Variants in WWOX observed in about 807,000 individuals in gnomAD.
WWOX encodes the protein WW domain-containing oxidoreductase.
WWOX carries 69 observed loss-of-function variants against 46.2 expected under a neutral mutation model. The observed-to-expected ratio is 1.49, with a 90% CI of 1.23 to 1.82. The LOEUF is 1.82. Among genes scored for constraint, WWOX ranks in the 40% most tolerant of loss-of-function variants. WWOX has a pLI of 0.00. For missense variants in WWOX, 919 were observed against 542.6 expected, an observed-to-expected ratio of 1.69 and a Z score of -6.89; for synonymous variants, 359 against 202.6, an observed-to-expected ratio of 1.77 and a Z score of -6.56.
intron 8 of WWOX, among the ~76,000 whole-genome samples, chr16:78,931,182 A>G (rs2045616401): frequency 1.3e-5 from 2 of 152,240 alleles, no homozygotes; most frequent in South Asian, 4.1e-4. Context: ...GCACATCCGT[A>G]GACAGTTACC....
chr16:78,101,710 G>A (rs369681367), intron 1 of WWOX, among the ~76,000 whole-genome samples: 1 of 152,144 alleles, frequency 6.6e-6, no homozygotes, highest in African/African-American at 2.4e-5. Context: ...TCTATGCAAG[G>A]ATGTGAACCA....
At position 79,135,821 on chromosome 16, in the gene WWOX, G is replaced by T. The variant is rs185969200; in HGVS notation, c.1057-75787G>T. Among the ~76,000 whole-genome samples, 3 of 152,134 alleles carry T rather than the reference G, an allele frequency of 2.0e-5. No individual in the cohort carries two copies. In the East Asian group the frequency reaches 5.8e-4, roughly 29 times the overall value. ...ACATTGTAATTGTGAGTGATGTTGGGTAGATTTTTGTACTTTTATTGACCA... is the reference window on the plus strand; with the variant it reads ...ACATTGTAATTGTGAGTGATGTTGGTTAGATTTTTGTACTTTTATTGACCA... On this transcript the variant is annotated intron_variant, in intron 8 of 8. Transcript: ENST00000566780.
chr16:78,363,473 C>T (rs1220854236), intron 5 of WWOX, among the ~76,000 whole-genome samples: 1 of 151,910 alleles, frequency 6.6e-6, no homozygotes, highest in Non-Finnish European at 1.5e-5. Flanking sequence ...GTGACAGTGT[C>T]TTGCTGTGTT....
chr16:78,609,089 G>A (rs2045835301), intron 8 of WWOX, among the ~76,000 whole-genome samples: 1 of 152,036 alleles, frequency 6.6e-6, no homozygotes, highest in Non-Finnish European at 1.5e-5. Context: ...ATACCTTTCT[G>A]TCCCACCAGA....
intron 5 of WWOX, among the ~76,000 whole-genome samples, chr16:78,352,058 G>C (rs190967356): frequency 2.0e-5 from 3 of 152,206 alleles, no homozygotes; most frequent in South Asian, 4.1e-4. Context: ...AGACAGTAGA[G>C]AGTGGTGGAG....
At chr16:78,716,022 C>T (rs1022343353) in intron 8 of WWOX, among the ~76,000 whole-genome samples, 5 of 151,666 alleles carry the variant, frequency 3.3e-5, no homozygotes, top group African/African-American at 7.3e-5. Context: ...AGGGATGATG[C>T]ATTCTGATAA....
At chr16:78,735,505 C>T (rs371262156) in intron 8 of WWOX, among the ~76,000 whole-genome samples, 3 of 152,094 alleles carry the variant, frequency 2.0e-5, no homozygotes, top group Admixed American at 1.3e-4. Context: ...AACTCGAGGA[C>T]TTATGCCGAT....
intron 8 of WWOX, among the ~76,000 whole-genome samples, chr16:78,641,539 G>A (rs1053990221): frequency 2.0e-5 from 3 of 152,126 alleles, no homozygotes; most frequent in South Asian, 4.1e-4. Context: ...AAAAGAACAT[G>A]TAAATCAGCT....
chr16:78,853,100 A>G (rs1023547102), intron 8 of WWOX, among the ~76,000 whole-genome samples: 1 of 152,212 alleles, frequency 6.6e-6, no homozygotes, highest in Non-Finnish European at 1.5e-5. Flanking sequence ...TAATGTCTGT[A>G]AGGTGTTTAA....
chr16:78,188,809 T>TC (rs1361470519), intron 5 of WWOX, among the ~76,000 whole-genome samples: 7 of 152,124 alleles, frequency 4.6e-5, no homozygotes, highest in Non-Finnish European at 1.0e-4. Flanking sequence ...TCAGTGGTTT[T>TC]CCCTGGGATC....
chr16:78,618,516 G>A (rs2046086521), intron 8 of WWOX, among the ~76,000 whole-genome samples: 1 of 152,064 alleles, frequency 6.6e-6, no homozygotes, highest in South Asian at 2.1e-4. Flanking sequence ...TTGGATTAGG[G>A]TCCACCATAT....
At chr16:78,558,125 G>A (rs1279407654) in intron 8 of WWOX, among the ~76,000 whole-genome samples, 1 of 151,958 alleles carries the variant, frequency 6.6e-6, no homozygotes, top group Non-Finnish European at 1.5e-5. Context: ...TTTCAGAGAG[G>A]TTTGCTTTCA....
Position 78,314,697 on chromosome 16 carries a change from T to TG in WWOX, c.517-72163_517-72162insG, listed in dbSNP as rs1467359409. Among the ~76,000 whole-genome samples the TG allele has an allele frequency of 3.5e-3, 239 of 67,616 alleles. 2 individuals carry two copies. The highest frequency in any genetic ancestry group is 8.0e-3 in the African/African-American group (68 of 8,450). The allele number at this position is 67,616 out of a possible 152,430, so 44.4% of individuals were successfully genotyped here. On this transcript the variant is annotated intron_variant, in intron 5 of 8. Coordinates refer to ENST00000566780, the MANE Select transcript of WWOX (RefSeq NM_016373.4). ...ACCCCACCCTGCAGGGGTTTTTTTT[T>TG]TTTGTTTTTTTTTTTTTTTTTTTTC...
chr16:78,645,389 G>A (rs778372330), intron 8 of WWOX, among the ~76,000 whole-genome samples: 2 of 152,148 alleles, frequency 1.3e-5, no homozygotes, highest in Non-Finnish European at 2.9e-5. Context: ...GAGGTCAAAA[G>A]TCCAAAATGG....
At chr16:78,703,929 T>C (rs1340567177) in intron 8 of WWOX, among the ~76,000 whole-genome samples, 2 of 152,176 alleles carry the variant, frequency 1.3e-5, no homozygotes, top group Non-Finnish European at 2.9e-5. Context: ...TTTTAAAAAC[T>C]TGGTAAAAGA....
intron 8 of WWOX, among the ~76,000 whole-genome samples, chr16:78,937,056 A>G (rs993980329): frequency 3.9e-5 from 6 of 152,208 alleles, no homozygotes; most frequent in African/African-American, 9.7e-5. Context: ...TTAAGTGGAA[A>G]TATAGGTTTA....
At chr16:78,844,538 C>G (rs1323315282) in intron 8 of WWOX, among the ~76,000 whole-genome samples, 1 of 152,002 alleles carries the variant, frequency 6.6e-6, no homozygotes, top group Non-Finnish European at 1.5e-5. Context: ...GGAAGATAAA[C>G]AATGGGAAAT....
At chr16:78,191,751 G>C (rs1184644332) in intron 5 of WWOX, among the ~76,000 whole-genome samples, 1 of 152,160 alleles carries the variant, frequency 6.6e-6, no homozygotes, top group East Asian at 1.9e-4. Context: ...ATTTGAGAAT[G>C]GCATTGCAGA....
intron 8 of WWOX, among the ~76,000 whole-genome samples, chr16:79,025,132 T>A (rs889744): frequency 3.5e-5 from 2 of 56,750 alleles, no homozygotes; most frequent in Non-Finnish European, 7.6e-5. Context: ...TTGTTTTGTT[T>A]TGTTTTGTTT....
Sources: gnomAD v4.1 joint callset for allele counts (sites outside exome capture counted in the v4.1 genomes callset) on GRCh38, gnomAD v4.1.1 for gene constraint, MANE v1.5 for transcripts, NCBI Gene and HGNC (gene_info 2026-07-23, HGNC 2026-07-21) for gene names.